DOCK3: variants seen among roughly 807,000 people sequenced by gnomAD.
DOCK3 encodes the protein dedicator of cytokinesis protein 3.
A neutral mutation model predicts 265.6 loss-of-function variants in DOCK3; 60 were observed. The ratio of observed to expected loss-of-function variants is 0.23; its 90% confidence interval spans 0.18 to 0.28. The LOEUF (loss-of-function observed/expected upper bound fraction) is 0.28, where lower values mean the gene tolerates loss of function less well. Ranked by LOEUF, DOCK3 falls within the 10% of genes least tolerant of loss-of-function variation. The pLI, the probability that DOCK3 is intolerant of heterozygous loss-of-function variation, is 1.00. For missense variants in DOCK3, 1,981 were observed against 2,594.3 expected (o/e 0.76, Z 5.14); for synonymous variants, 881 against 938.0 (o/e 0.94, Z 1.11).
intron 22 of DOCK3, among the ~76,000 whole-genome samples, chr3:51,257,379 A>C (rs560289850): frequency 2.0e-5 from 3 of 152,368 alleles, no homozygotes; most frequent in African/African-American, 7.2e-5. Flanking sequence ...CTTTTGATTC[A>C]ATATATCTTT....
At chr3:50,980,138 C>A (rs972384298) in intron 5 of DOCK3, among the ~76,000 whole-genome samples, 1 of 152,076 alleles carries the variant, frequency 6.6e-6, no homozygotes, top group Non-Finnish European at 1.5e-5. Context: ...TCCTTCAATG[C>A]GTAATTTGTT....
chr3:51,182,727 A>G (rs2087374330), intron 12 of DOCK3, among the ~76,000 whole-genome samples: 2 of 152,176 alleles, frequency 1.3e-5, no homozygotes, highest in Non-Finnish European at 2.9e-5. Flanking sequence ...ATTGCCCTGG[A>G]TGTTAAGCTA....
intron 22 of DOCK3, among the ~76,000 whole-genome samples, chr3:51,258,372 G>C (rs779355223): frequency 2.6e-5 from 4 of 152,064 alleles, no homozygotes; most frequent in Admixed American, 6.6e-5. Context: ...TGCATCTTCC[G>C]GGGCTTGGGC....
rs1363935712 is a variant in DOCK3, at chr3:51,382,400, C to A, written c.*841C>A. On this transcript the variant is annotated 3_prime_UTR_variant, in exon 53 of 53. Coordinates refer to ENST00000266037, the MANE Select transcript of DOCK3 (RefSeq NM_004947.5). ...GAGCCAGAGAGGCTATCCTAGCTAC[C>A]TTCCTCCTAGGGGGAGCTGGTCCCC... The A allele has an allele frequency of 6.6e-6, 1 of 152,606 alleles. No homozygotes were observed. The highest frequency in any genetic ancestry group is 1.5e-5 in the Non-Finnish European group (1 of 68,072). 9.5% of individuals were successfully genotyped at this position (152,606 alleles called of 1,614,324 possible). A position where few individuals can be genotyped will look rare whatever the true frequency, so the allele number is the denominator to read the frequency against.
intron 12 of DOCK3, among the ~76,000 whole-genome samples, chr3:51,187,820 C>T (rs1392676610): frequency 1.3e-5 from 2 of 150,754 alleles, no homozygotes; most frequent in Non-Finnish European, 2.9e-5. Context: ...TGCCTTCCAC[C>T]GTGATTGTGA....
rs2086665173 is a variant in DOCK3 at position 51,360,628 on chromosome 3, C to T, written c.5002C>T (p.His1668Tyr). The T allele has an allele frequency of 6.2e-7, 1 of 1,613,856 alleles. No individual in the cohort carries two copies. The highest frequency in any genetic ancestry group is 2.2e-5 in the East Asian group (1 of 44,870). ...SPESIKMTHR[H>Y]SPMNLMGTGR... ...GGAGAGCATCAAGATGACCCACCGGCACAGGTATGGCCTTAGGGCTGGGGA... is the reference window on the plus strand; with the variant it reads ...GGAGAGCATCAAGATGACCCACCGGTACAGGTATGGCCTTAGGGCTGGGGA... Residue 1668 changes from histidine (H) to tyrosine (Y), a missense_variant, in exon 47 of 53, where the codon CAC becomes TAC. Transcript: ENST00000266037.
chr3:50,683,847 C>T (rs866825526), intron 1 of DOCK3, among the ~76,000 whole-genome samples: 1 of 103,450 alleles, frequency 9.7e-6, no homozygotes, highest in Admixed American at 1.0e-4. Context: ...CCCCCCCCCC[C>T]ACCCACTCCC....
chr3:50,988,344 C>A (rs145240141), intron 5 of DOCK3, among the ~76,000 whole-genome samples: 29 of 152,310 alleles, frequency 1.9e-4, no homozygotes, highest in African/African-American at 5.5e-4. Flanking sequence ...GACCACCCCC[C>A]CACAACCCCT....
At chr3:50,718,690 A>T (rs1423442347) in intron 1 of DOCK3, among the ~76,000 whole-genome samples, 1 of 151,360 alleles carries the variant, frequency 6.6e-6, no homozygotes, top group Non-Finnish European at 1.5e-5. Context: ...AGGAATTTCA[A>T]TTATGCATAT....
At chr3:51,081,696 C>T (rs1263739317) in intron 7 of DOCK3, among the ~76,000 whole-genome samples, 1 of 151,978 alleles carries the variant, frequency 6.6e-6, no homozygotes, top group Non-Finnish European at 1.5e-5. Context: ...GAGATTGAGA[C>T]CATCCTGGCT....
At chr3:50,992,585 A>G (rs903356573) in intron 5 of DOCK3, among the ~76,000 whole-genome samples, 5 of 152,122 alleles carry the variant, frequency 3.3e-5, no homozygotes, top group Non-Finnish European at 7.4e-5. Context: ...GCATGAGCCA[A>G]CTCGCCCAGC....
Position 51,083,983 on chromosome 3 carries a change from CAAAT to C in DOCK3, c.550-5240_550-5237del, listed in dbSNP as rs563530315. Among the ~76,000 whole-genome samples the C allele has an allele frequency of 2.9e-3, 436 of 151,782 alleles. 3 individuals are homozygous for C. Among genetic ancestry groups the C allele is most frequent in the African/African-American group, 9.8e-3 (405 of 41,326 alleles). ...TGGGCGACAGAGCGAGACTCCATCTCAAATAAATAAATAAATAAATAAAAGAGTT... is the reference window on the plus strand; with the variant it reads ...TGGGCGACAGAGCGAGACTCCATCTCAAATAAATAAATAAATAAAAGAGTT... On this transcript the variant is annotated intron_variant, in intron 7 of 52. Transcript: ENST00000266037.
At chr3:50,809,897 T>C (rs1362702420) in intron 2 of DOCK3, among the ~76,000 whole-genome samples, 1 of 152,174 alleles carries the variant, frequency 6.6e-6, no homozygotes, top group Admixed American at 6.5e-5. Context: ...CTCAGCACTT[T>C]GGGAGGTCGA....
chr3:51,272,731 T>C (rs2080576756), intron 24 of DOCK3, among the ~76,000 whole-genome samples: 1 of 152,124 alleles, frequency 6.6e-6, no homozygotes, highest in South Asian at 2.1e-4. Context: ...AAGAAAGTCA[T>C]CTTTTTTCCA....
chr3:51,073,094 A>G (rs986229206), intron 6 of DOCK3, among the ~76,000 whole-genome samples: 5 of 152,224 alleles, frequency 3.3e-5, no homozygotes, highest in African/African-American at 9.6e-5. Flanking sequence ...ACATATATTT[A>G]TAGATCTCAA....
chr3:51,338,506 A>G, intron 36 of DOCK3, 87 bp downstream of exon 36: 1 of 1,447,362 alleles, frequency 6.9e-7, no homozygotes, highest in Non-Finnish European at 9.5e-7. Context: ...TCTACAATAC[A>G]TGGCTGCAGG....
At chr3:51,304,238 G>T (rs950427926) in intron 27 of DOCK3, among the ~76,000 whole-genome samples, 1 of 152,072 alleles carries the variant, frequency 6.6e-6, no homozygotes, top group African/African-American at 2.4e-5. Context: ...AAACCGTCCA[G>T]TTTCCCCAGC....
intron 3 of DOCK3, among the ~76,000 whole-genome samples, chr3:50,872,539 G>A (rs2047482852): frequency 6.6e-6 from 1 of 152,154 alleles, no homozygotes; most frequent in Non-Finnish European, 1.5e-5. Flanking sequence ...ACCACTCCCG[G>A]GCTACCATAT....
rs1199471670 is a variant in DOCK3 at position 51,217,539 on chromosome 3, AACCTTTTGTTAGT to A, written c.1252+3293_1252+3305del. Among the ~76,000 whole-genome samples the A allele has an allele frequency of 1.1e-4, 17 of 152,346 alleles. No individual in the cohort carries two copies. The East Asian group carries it at 2.7e-3, about 24-fold the overall frequency. ...CCATTTTTTAAAAAACTGAACATGTAACCTTTTGTTAGTTGATCACCATATTTCAGTGGATACT... is the reference window on the plus strand; with the variant it reads ...CCATTTTTTAAAAAACTGAACATGTATGATCACCATATTTCAGTGGATACT... On this transcript the variant is annotated intron_variant, in intron 14 of 52. Transcript: ENST00000266037.
Sources: gnomAD v4.1 joint callset for allele counts (sites outside exome capture counted in the v4.1 genomes callset) on GRCh38, gnomAD v4.1.1 for gene constraint, MANE v1.5 for transcripts, NCBI Gene and HGNC (gene_info 2026-07-23, HGNC 2026-07-21) for gene names.